Variants in S100A8 observed in about 807,000 individuals in gnomAD.
S100A8 encodes the protein protein S100-A8.
In S100A8, 1 loss-of-function variant was observed where a neutral mutation model predicts 4.2. The ratio of observed to expected loss-of-function variants is 0.24; its 90% CI spans 0.08 to 1.12. The LOEUF is 1.12. Ranked by LOEUF, S100A8 falls within the 50% of genes most tolerant of loss-of-function variation. The pLI is 0.53. For synonymous variants in S100A8, 41 were observed against 44.7 expected (o/e 0.92, Z 0.33); for missense variants, 96 against 111.8 (o/e 0.86, Z 0.64).
At position 153,390,623 on chromosome 1, in the gene S100A8, A is replaced by G. The variant is rs1571167363; in HGVS notation, c.-22-66T>C. ...TTTGCATCTGGCCAGGGCAGTACGC[A>G]GAGGATTCATGCCCCAAGCGATGGC... On this transcript the variant is annotated intron_variant, in intron 1 of 2. Transcript: ENST00000368733. 4 of 1,575,896 alleles carry G rather than the reference A, an allele frequency of 2.5e-6. No homozygotes were observed. In the East Asian group the frequency reaches 9.0e-5, roughly 35 times the overall value.
At chr1:153,418,295 C>T in the S100A8 span, 1 of 1,589,888 alleles carries the variant, frequency 6.3e-7, no homozygotes, top group Non-Finnish European at 8.6e-7. Flanking sequence ...GCTATGTGGC[C>T]TTGGACAGGT....
At chr1:153,412,483 A>G in the S100A8 span, among the ~76,000 whole-genome samples, 2 of 152,216 alleles carry the variant, frequency 1.3e-5, no homozygotes, top group Non-Finnish European at 2.9e-5. Flanking sequence ...AGGAAACAAC[A>G]GATGCTGGGG....
upstream of S100A8, among the ~76,000 whole-genome samples, chr1:153,394,721 G>T (rs750190596): frequency 6.6e-6 from 1 of 152,122 alleles, no homozygotes; most frequent in African/African-American, 2.4e-5. Context: ...GGAGCAGCAG[G>T]GGCAAATTCT....
At chr1:153,417,944 C>T in the S100A8 span, 82 of 1,180,160 alleles carry the variant, frequency 6.9e-5, 1 homozygote, top group Admixed American at 2.0e-3. Context: ...TTAAAAAAAT[C>T]AAGTTCCTTC....
the S100A8 span, among the ~76,000 whole-genome samples, chr1:153,407,753 C>T: frequency 2.6e-5 from 4 of 152,162 alleles, no homozygotes; most frequent in Admixed American, 2.6e-4. Context: ...CAGCCAGGTG[C>T]CCCTCTGAGA....
At chr1:153,418,006 C>T in the S100A8 span, 16 of 1,591,276 alleles carry the variant, frequency 1.0e-5, no homozygotes, top group East Asian at 1.1e-4. Flanking sequence ...CTTCTAACAC[C>T]CCCACATAGA....
chr1:153,417,425 CA>C, the S100A8 span: 1 of 152,616 alleles, frequency 6.6e-6, no homozygotes, highest in African/African-American at 2.4e-5. Context: ...TTCCTTGTAA[CA>C]GAGGCAATTC....
the S100A8 span, among the ~76,000 whole-genome samples, chr1:153,404,856 A>G: frequency 6.6e-6 from 1 of 152,032 alleles, no homozygotes; most frequent in South Asian, 2.1e-4. Flanking sequence ...AAGGGCGGGA[A>G]CCACGAAGGA....
the S100A8 span, among the ~76,000 whole-genome samples, chr1:153,399,190 C>A: frequency 6.6e-6 from 1 of 152,194 alleles, no homozygotes; most frequent in Non-Finnish European, 1.5e-5. Flanking sequence ...GCGAACCCAC[C>A]ACCAAGCCCC....
chr1:153,391,027 A>G lies in S100A8; in HGVS notation c.-23+14T>C, dbSNP rs988312106. The G allele has an allele frequency of 1.0e-5, 10 of 987,756 alleles. No individual in the cohort carries two copies. Among genetic ancestry groups the G allele is most frequent in the Non-Finnish European group, 1.2e-5 (10 of 831,314 alleles). The allele number at this position is 987,756 out of a possible 1,614,324, so 61.2% of individuals were successfully genotyped here. A position where few individuals can be genotyped will look rare whatever the true frequency, so the allele number is the denominator to read the frequency against. On this transcript the variant is annotated intron_variant, in intron 1 of 2. Coordinates refer to ENST00000368733, the MANE Select transcript of S100A8 (RefSeq NM_002964.5). The stretch of plus-strand genomic sequence containing the variant: ...AGCCCAAAGTGCGGGGCCAACCCAG[A>G]CAGTCCCACTTACCAGGTCTTCTGA...
the S100A8 span, among the ~76,000 whole-genome samples, chr1:153,415,185 CGTGTGTGTGTGT>C: frequency 6.8e-6 from 1 of 148,060 alleles, no homozygotes; most frequent in Non-Finnish European, 1.5e-5. Flanking sequence ...TGTGTGTGTG[CGTGTGTGTGTGT>C]GTGTGTATCT....
the S100A8 span, among the ~76,000 whole-genome samples, chr1:153,412,685 G>T: frequency 2.0e-5 from 3 of 152,110 alleles, no homozygotes; most frequent in Non-Finnish European, 4.4e-5. Context: ...ACATGCACAC[G>T]TATGTTTATT....
intron 1 of S100A8, 107 bp from the exon 2 acceptor site, chr1:153,390,664 ACT>A (rs1324861657): frequency 7.1e-7 from 1 of 1,401,872 alleles, no homozygotes; most frequent in Non-Finnish European, 9.7e-7. Context: ...CCTGGCCTGC[ACT>A]CTCCAAATAA....
the S100A8 span, among the ~76,000 whole-genome samples, chr1:153,410,591 A>G: frequency 6.6e-6 from 1 of 152,196 alleles, no homozygotes; most frequent in Middle Eastern, 3.2e-3. Context: ...AACTATTCCA[A>G]TCAATAGAAA....
the S100A8 span, among the ~76,000 whole-genome samples, chr1:153,416,113 G>A: frequency 4.6e-5 from 7 of 152,168 alleles, no homozygotes; most frequent in Admixed American, 3.9e-4. Context: ...CTCAGTAAGC[G>A]GTGGGGGTCA....
chr1:153,395,082 G>A (rs2101612111), upstream of S100A8, among the ~76,000 whole-genome samples: 1 of 152,260 alleles, frequency 6.6e-6, no homozygotes, highest in African/African-American at 2.4e-5. Context: ...AGCAAGGGCA[G>A]GGACAGGTCT....
At chr1:153,413,381 G>A in the S100A8 span, among the ~76,000 whole-genome samples, 16 of 152,314 alleles carry the variant, frequency 1.1e-4, no homozygotes, top group Non-Finnish European at 1.9e-4. Flanking sequence ...ACTAGAAACA[G>A]CTGTCTTCAT....
chr1:153,410,857 A>G, the S100A8 span, among the ~76,000 whole-genome samples: 3 of 152,230 alleles, frequency 2.0e-5, no homozygotes, highest in Admixed American at 1.3e-4. Context: ...TCCGTCATAT[A>G]AACAGAACCA....
upstream of S100A8, among the ~76,000 whole-genome samples, chr1:153,395,244 C>T (rs1175530949): frequency 1.3e-5 from 2 of 152,146 alleles, no homozygotes; most frequent in African/African-American, 4.8e-5. Flanking sequence ...GGTTGACTGT[C>T]ACCCAGGTTC....
Sources: allele counts gnomAD v4.1 joint callset (sites outside exome capture counted in the v4.1 genomes callset), GRCh38; gene constraint gnomAD v4.1.1; transcripts MANE v1.5; gene names NCBI Gene and HGNC (gene_info 2026-07-23, HGNC 2026-07-21).